Variants in CSRP2 observed in about 807,000 individuals in gnomAD.
CSRP2 encodes cysteine and glycine-rich protein 2.
In CSRP2, 18 loss-of-function variants were observed where a neutral mutation model predicts 24.6. The ratio of observed to expected loss-of-function variants is 0.73; its 90% CI spans 0.51 to 1.09. The LOEUF (loss-of-function observed/expected upper bound fraction) is 1.09. CSRP2 is among the 50% of genes least tolerant of loss of function. The pLI is 0.00. For missense variants in CSRP2, 215 were observed against 239.4 expected (o/e 0.90, Z 0.67); for synonymous variants, 87 against 84.3 (o/e 1.03, Z -0.18).
rs140066131 is a variant in CSRP2, at chr12:76,861,242, C to T, written c.282-829G>A. ...TAGCACTCCACAACTGTTAATTTTT[C>T]CTACTGGAAAAACAATGTCTTCCTA... On this transcript the variant is annotated intron_variant, in intron 3 of 5. Transcript: ENST00000311083. The T allele has an allele frequency of 9.9e-4, 150 of 151,532 alleles. 1 individual carries two copies. The highest frequency in any genetic ancestry group is 3.3e-3 in the African/African-American group (137 of 41,306). 9.4% of individuals were successfully genotyped at this position (151,532 alleles called of 1,614,324 possible). A position where few individuals can be genotyped will look rare whatever the true frequency, so the allele number is the denominator to read the frequency against.
rs150493523 is a variant in CSRP2, at chr12:76,872,463, C to G, written c.-1-6202G>C. ...CTTGTAAAGCCCTGGCTCTTAGAGC[C>G]AGGCCAGCAACCTTTGATATGCAAA... On this transcript the variant is annotated intron_variant, in intron 1 of 5. Transcript: ENST00000311083. Among the ~76,000 whole-genome samples, 85 of 152,296 alleles carry G rather than the reference C, an allele frequency of 5.6e-4. 1 individual carries two copies. The highest frequency in any genetic ancestry group is 1.9e-3 in the African/African-American group (80 of 41,566).
In CSRP2 at chr12:76,858,915, A is replaced by G. The variant is rs779872583; in HGVS notation, c.*37T>C. The G allele has an allele frequency of 6.5e-7, 1 of 1,543,356 alleles. No individual in the cohort carries two copies. The highest frequency in any genetic ancestry group is 9.0e-7 in the Non-Finnish European group (1 of 1,115,730). On this transcript the variant is annotated 3_prime_UTR_variant, in exon 6 of 6. Transcript: ENST00000311083. ...TTATCTGTGCCTAGATTATGAAGAGATTCTCAGTGTGTGATGTTTAGTTCA... is the reference window on the plus strand; with the variant it reads ...TTATCTGTGCCTAGATTATGAAGAGGTTCTCAGTGTGTGATGTTTAGTTCA...
At chr12:76,859,750 C>G (rs1953656816) in intron 4 of CSRP2, 110 bp from the exon 5 acceptor site, 1 of 735,436 alleles carries the variant, frequency 1.4e-6, no homozygotes, top group South Asian at 1.9e-5. Flanking sequence ...AAGCTCCTGA[C>G]TTCTGTGGTT....
chr12:76,863,483 A>C, intron 2 of CSRP2, 139 bp from the exon 3 acceptor site: 7 of 800,548 alleles, frequency 8.7e-6, no homozygotes, highest in Non-Finnish European at 1.2e-5. Flanking sequence ...TGGCTTCCCA[A>C]AAGCCATGAG....
chr12:76,875,002 A>G (rs1953839314), intron 1 of CSRP2, among the ~76,000 whole-genome samples: 1 of 152,180 alleles, frequency 6.6e-6, no homozygotes, highest in South Asian at 2.1e-4. Flanking sequence ...CAGATCTCCA[A>G]AGAAACAAAT....
At chr12:76,872,645 A>G (rs947526561) in intron 1 of CSRP2, among the ~76,000 whole-genome samples, 57 of 152,322 alleles carry the variant, frequency 3.7e-4, no homozygotes, top group African/African-American at 1.3e-3. Context: ...CGTGAATGAC[A>G]TGCCTGGTCA....
chr12:76,871,947 G>A (rs1011547762), intron 1 of CSRP2, among the ~76,000 whole-genome samples: 6 of 150,974 alleles, frequency 4.0e-5, no homozygotes, highest in Admixed American at 6.6e-5. Flanking sequence ...GCCTTTGGCC[G>A]TACTACTCCA....
chr12:76,863,168 C>T lies in CSRP2; in HGVS notation c.281+8G>A, dbSNP rs1181545310. The stretch of plus-strand genomic sequence containing the variant: ...TTTCTGAAGGTAACCAACGGTCTCC[C>T]AACTCACCTCTCTGGTTTGATGCCC... On this transcript the variant is annotated splice_region_variant and intron_variant, in intron 3 of 5. Transcript: ENST00000311083. 6.2e-7 allele frequency: 1 copy of T among 1,607,892 alleles called. No individual in the cohort carries two copies. The highest frequency in any genetic ancestry group is 8.5e-7 in the Non-Finnish European group (1 of 1,175,692).
At chr12:76,869,563 CA>C (rs1460447976) in intron 1 of CSRP2, among the ~76,000 whole-genome samples, 3 of 149,142 alleles carry the variant, frequency 2.0e-5, no homozygotes, top group Non-Finnish European at 4.4e-5. Flanking sequence ...CACACACACA[CA>C]CACACACACA....
chr12:76,875,592 A>G (rs1953844795), intron 1 of CSRP2, among the ~76,000 whole-genome samples: 1 of 152,216 alleles, frequency 6.6e-6, no homozygotes, highest in African/African-American at 2.4e-5. Flanking sequence ...CTAGATATAT[A>G]TGCTGAGACT....
At chr12:76,878,912 G>A (rs1953878247) in intron 1 of CSRP2, 26 bp downstream of exon 1, 1 of 152,232 alleles carries the variant, frequency 6.6e-6, no homozygotes, top group South Asian at 2.1e-4. Flanking sequence ...GCGGCGCCGC[G>A]GAACCGCCCC....
At chr12:76,871,689 A>G (rs1021863615) in intron 1 of CSRP2, among the ~76,000 whole-genome samples, 31 of 151,550 alleles carry the variant, frequency 2.0e-4, no homozygotes, top group South Asian at 8.4e-4. Flanking sequence ...GCGTGAACCC[A>G]GGAGGTGGAG....
chr12:76,862,765 G>A, intron 3 of CSRP2: 1 of 1,359,388 alleles, frequency 7.4e-7, no homozygotes, highest in Non-Finnish European at 9.5e-7. Context: ...GATGAAAAAT[G>A]TTTACATAGA....
At position 76,868,805 on chromosome 12, in the gene CSRP2, G is replaced by C. The variant is rs181064993; in HGVS notation, c.-1-2544C>G. ...AAAATTAGCCGGGCACGGTGGTGGGGGCCTGTAGTCCCAGCTACTCAGGAG... is the reference window on the plus strand; with the variant it reads ...AAAATTAGCCGGGCACGGTGGTGGGCGCCTGTAGTCCCAGCTACTCAGGAG... On this transcript the variant is annotated intron_variant, in intron 1 of 5. Transcript: ENST00000311083. Among the ~76,000 whole-genome samples the C allele has an allele frequency of 4.9e-3, 752 of 151,938 alleles. 11 individuals carry two copies. The highest frequency in any genetic ancestry group is 0.035 in the East Asian group (181 of 5,130).
intron 4 of CSRP2, among the ~76,000 whole-genome samples, chr12:76,859,913 A>G (rs1390210057): frequency 6.6e-6 from 1 of 152,240 alleles, no homozygotes; most frequent in Non-Finnish European, 1.5e-5. Context: ...AGAACAGCGC[A>G]GCTCAAAGAG....
chr12:76,865,883 G>A (rs1241416802), intron 2 of CSRP2: 2 of 455,530 alleles, frequency 4.4e-6, no homozygotes, highest in African/African-American at 2.0e-5. Flanking sequence ...ACTCAGTGAG[G>A]TGGGGGAGGC....
At chr12:76,870,573 T>C (rs1395640200) in intron 1 of CSRP2, among the ~76,000 whole-genome samples, 1 of 152,216 alleles carries the variant, frequency 6.6e-6, no homozygotes, top group Non-Finnish European at 1.5e-5. Context: ...TATTTGCATA[T>C]ATCAAAATAT....
Position 76,863,174 on chromosome 12 carries a change from A to G in CSRP2, c.281+2T>C, listed in dbSNP as rs1334156476. 5.0e-6 allele frequency: 8 copies of G among 1,608,266 alleles called. No individual in the cohort carries two copies. Among genetic ancestry groups the G allele is most frequent in the Non-Finnish European group, 6.8e-6 (8 of 1,176,042 alleles). Reference sequence around the variant, plus strand: ...AAGGTAACCAACGGTCTCCCAACTCACCTCTCTGGTTTGATGCCCAGCCTC... The same window carrying G: ...AAGGTAACCAACGGTCTCCCAACTCGCCTCTCTGGTTTGATGCCCAGCCTC... On this transcript the variant is annotated splice_donor_variant, in intron 3 of 5. Transcript: ENST00000311083. LOFTEE classifies it high-confidence loss of function.
chr12:76,872,184 A>G lies in CSRP2; in HGVS notation c.-1-5923T>C, dbSNP rs11115929. On this transcript the variant is annotated intron_variant, in intron 1 of 5. Coordinates refer to ENST00000311083, the MANE Select transcript of CSRP2 (RefSeq NM_001321.3). ...TTTATCCACTGTATTACATGTTACAACGTGATTTATATCTGAACACCTATG... is the reference window on the plus strand; with the variant it reads ...TTTATCCACTGTATTACATGTTACAGCGTGATTTATATCTGAACACCTATG... Among the ~76,000 whole-genome samples the G allele has an allele frequency of 8.7e-3, 1,327 of 152,322 alleles. 12 individuals carry two copies. Among genetic ancestry groups the G allele is most frequent in the Non-Finnish European group, 0.014 (929 of 68,020 alleles).
Sources: allele counts gnomAD v4.1 joint callset (sites outside exome capture counted in the v4.1 genomes callset), GRCh38; gene constraint gnomAD v4.1.1; transcripts MANE v1.5; gene names NCBI Gene and HGNC (gene_info 2026-07-23, HGNC 2026-07-21).